Variants in CFAP46 observed in about 807,000 individuals in gnomAD.
CFAP46 encodes the protein cilia- and flagella-associated protein 46.
In CFAP46, 245 loss-of-function variants were observed where a neutral mutation model predicts 325.7. The observed-to-expected ratio is 0.75, with a 90% confidence interval of 0.68 to 0.84. The LOEUF (loss-of-function observed/expected upper bound fraction) is 0.84, where lower values mean the gene tolerates loss of function less well. CFAP46 is among the 40% of genes least tolerant of loss of function. CFAP46 has a pLI of 0.00. For synonymous variants in CFAP46, 1,523 were observed against 1,495.9 expected (o/e 1.02, Z -0.42); for missense variants, 3,346 against 3,543.0 (o/e 0.94, Z 1.41).
At chr10:132,936,940 C>T (rs1008613503) in intron 7 of CFAP46, 21 bp downstream of exon 7, 5 of 1,440,498 alleles carry the variant, frequency 3.5e-6, no homozygotes, top group Non-Finnish European at 4.7e-6. Context: ...AGTATTTGCT[C>T]TCCCTCCCAA....
intron 50 of CFAP46, among the ~76,000 whole-genome samples, chr10:132,816,328 CTTT>C (rs1008391673): frequency 8.4e-6 from 1 of 118,842 alleles, no homozygotes; most frequent in Non-Finnish European, 1.8e-5. Flanking sequence ...CTGACTTCTT[CTTT>C]TTTTTTTTTT....
intron 9 of CFAP46, chr10:132,929,441 G>A (rs758190761): frequency 3.0e-5 from 21 of 711,160 alleles, no homozygotes; most frequent in African/African-American, 1.2e-4. Context: ...TACGCCGTCC[G>A]TAAATTGGAC....
chr10:132,853,645 G>A (rs946711161), intron 39 of CFAP46, among the ~76,000 whole-genome samples: 1 of 152,134 alleles, frequency 6.6e-6, no homozygotes, highest in African/African-American at 2.4e-5. Flanking sequence ...ATCTGGGCTT[G>A]ACGTTTCCTT....
chr10:132,874,648 T>C (rs577874562), intron 31 of CFAP46, among the ~76,000 whole-genome samples: 1 of 3,122 alleles, frequency 3.2e-4, no homozygotes, highest in African/African-American at 2.0e-3. Context: ...GTGATAATCA[T>C]TAGAAAGAAT....
intron 24 of CFAP46, 175 bp downstream of exon 24, chr10:132,898,784 C>A: frequency 1.2e-6 from 1 of 836,904 alleles, no homozygotes; most frequent in East Asian, 2.7e-5. Context: ...CAGGGGCCCC[C>A]GCAGTGCTGG....
chr10:132,880,058 C>T (rs1012918839), intron 28 of CFAP46, among the ~76,000 whole-genome samples: 2 of 152,140 alleles, frequency 1.3e-5, no homozygotes, highest in African/African-American at 4.8e-5. Flanking sequence ...CCTGAGCAAG[C>T]CAGCATTGTC....
chr10:132,880,437 G>C (rs188923202), intron 28 of CFAP46, among the ~76,000 whole-genome samples: 1 of 152,242 alleles, frequency 6.6e-6, no homozygotes, highest in Admixed American at 6.5e-5. Context: ...CCCCCACCTC[G>C]AGTCAGAAGC....
chr10:132,884,435 C>T lies in CFAP46; in HGVS notation c.3627+668G>A, dbSNP rs1211069368. Among the ~76,000 whole-genome samples, 1 of 152,180 alleles carries T rather than the reference C, an allele frequency of 6.6e-6. No individual in the cohort carries two copies. On this transcript the variant is annotated intron_variant, in intron 27 of 57. Coordinates refer to ENST00000368586, the MANE Select transcript of CFAP46 (RefSeq NM_001200049.3). The surrounding 1 kb of genome is among the most constrained non-coding windows in gnomAD (Gnocchi z 5.4). Reference sequence around the variant, plus strand: ...ATTGCTCTGAGCCGGAGAAACAGCTCGTGTAACAGAAAAGCCTTTTAAGAT... The same window carrying T: ...ATTGCTCTGAGCCGGAGAAACAGCTTGTGTAACAGAAAAGCCTTTTAAGAT...
At position 132,884,116 on chromosome 10, in the gene CFAP46, C is replaced by G. The variant is rs574189452; in HGVS notation, c.3627+987G>C. Among the ~76,000 whole-genome samples the G allele has an allele frequency of 5.9e-5, 9 of 152,336 alleles. No individual in the cohort carries two copies. Among genetic ancestry groups the G allele is most frequent in the African/African-American group, 1.9e-4 (8 of 41,576 alleles). ...CTGGGTCCTGCCTTCCCCAGCCGCCCGCAGCCTCCCCTCCTCAGGCCCTTC... is the reference window on the plus strand; with the variant it reads ...CTGGGTCCTGCCTTCCCCAGCCGCCGGCAGCCTCCCCTCCTCAGGCCCTTC... On this transcript the variant is annotated intron_variant, in intron 27 of 57. Transcript: ENST00000368586. This position sits in a 1 kb window ranked among gnomAD's most constrained non-coding sequence, Gnocchi z 5.4.
chr10:132,822,577 G>GC (rs1462300753), intron 50 of CFAP46, among the ~76,000 whole-genome samples: 1 of 138,020 alleles, frequency 7.2e-6, no homozygotes, highest in Non-Finnish European at 1.6e-5. Flanking sequence ...TGCTGTGTGT[G>GC]TGCTGTGTGC....
chr10:132,921,624 T>G (rs1378243582), intron 13 of CFAP46, among the ~76,000 whole-genome samples: 1 of 152,202 alleles, frequency 6.6e-6, no homozygotes, highest in African/African-American at 2.4e-5. Flanking sequence ...TATGACCTTC[T>G]TTGGAGGTAA....
chr10:132,824,700 T>C lies in CFAP46; in HGVS notation c.7117+8658A>G, dbSNP rs1020484886. 1.5e-4 allele frequency among the ~76,000 whole-genome samples: 8 copies of C among 54,670 alleles called. 1 individual carries two copies. Among genetic ancestry groups the C allele is most frequent in the Admixed American group, 4.2e-4 (2 of 4,818 alleles). 35.9% of individuals were successfully genotyped at this position (54,670 alleles called of 152,430 possible). Reference sequence around the variant, plus strand: ...GTGCTGATGTGTGCTGTGTGTGCGCTGATGTGTGCTGTGTGTGTACTGATG... The same window carrying C: ...GTGCTGATGTGTGCTGTGTGTGCGCCGATGTGTGCTGTGTGTGTACTGATG... On this transcript the variant is annotated intron_variant, in intron 50 of 57. Coordinates refer to ENST00000368586, the MANE Select transcript of CFAP46 (RefSeq NM_001200049.3).
chr10:132,934,732 G>T lies in CFAP46; in HGVS notation c.866+20C>A. On this transcript the variant is annotated intron_variant, in intron 8 of 57. Coordinates refer to ENST00000368586, the MANE Select transcript of CFAP46 (RefSeq NM_001200049.3). ...ACAACGATTATGAAGATGTGATATT[G>T]GAAAAATACAAACACTTACTTTTCT... 1 of 1,447,552 alleles carries T rather than the reference G, an allele frequency of 6.9e-7. No homozygotes were observed. The highest frequency in any genetic ancestry group is 9.6e-7 in the Non-Finnish European group (1 of 1,036,430). 89.7% of individuals were successfully genotyped at this position (1,447,552 alleles called of 1,614,324 possible).
At chr10:132,891,513 A>T (rs1849253770) in intron 25 of CFAP46, among the ~76,000 whole-genome samples, 1 of 152,244 alleles carries the variant, frequency 6.6e-6, no homozygotes, top group Admixed American at 6.5e-5. Flanking sequence ...GGCCTGAAAG[A>T]GATCCAAGTA....
At chr10:132,895,754 C>T (rs1849308812) in intron 24 of CFAP46, among the ~76,000 whole-genome samples, 1 of 152,224 alleles carries the variant, frequency 6.6e-6, no homozygotes, top group South Asian at 2.1e-4. Context: ...TATCCTGAGA[C>T]TCTAACCCTC....
chr10:132,913,381 G>GGGGGGCC, intron 17 of CFAP46, 123 bp from the exon 18 acceptor site: 2 of 350,508 alleles, frequency 5.7e-6, no homozygotes, highest in Non-Finnish European at 1.1e-5. Flanking sequence ...GGGCGGGTGG[G>GGGGGGCC]CGGCGACCAA....
chr10:132,879,430 C>T lies in CFAP46; in HGVS notation c.4001G>A (p.Trp1334Ter), dbSNP rs753739204. The change falls in exon 29 of 58, where the codon TGG becomes TAG. Residue 1334 changes from tryptophan (W) to a stop codon, truncating the protein, a stop_gained. Transcript: ENST00000368586. LOFTEE classifies it high-confidence loss of function. ...LAAYAFFRHI[W>*]QVSLMTAGKS... ...GGAGTCTGCGCTGGGCCTCACCTGCCAGATGTGCCTGAAGAAGGCGTAGGC... is the reference window on the plus strand; with the variant it reads ...GGAGTCTGCGCTGGGCCTCACCTGCTAGATGTGCCTGAAGAAGGCGTAGGC... 9.1e-5 allele frequency: 138 copies of T among 1,517,060 alleles called. No individual in the cohort carries two copies. The highest frequency in any genetic ancestry group is 1.0e-4 in the Non-Finnish European group (118 of 1,128,818). 94.0% of individuals were successfully genotyped at this position (1,517,060 alleles called of 1,614,324 possible).
Position 132,832,898 on chromosome 10 carries a change from CT to C in CFAP46, c.7117+459del, listed in dbSNP as rs1174644218. On this transcript the variant is annotated intron_variant, in intron 50 of 57. Coordinates refer to ENST00000368586, the MANE Select transcript of CFAP46 (RefSeq NM_001200049.3). The surrounding 1 kb of genome is among the most constrained non-coding windows in gnomAD (Gnocchi z 4.1). The stretch of plus-strand genomic sequence containing the variant: ...GGGGCAAGAACAGCGTTAAGTTTGT[CT>C]TCCCTGTGTGTTTAGCACCAGGATA... 4.2e-4 allele frequency: 189 copies of C among 455,058 alleles called. 3 individuals are homozygous for C. Among genetic ancestry groups the C allele is most frequent in the South Asian group, 1.5e-3 (98 of 64,128 alleles). 28.2% of individuals were successfully genotyped at this position (455,058 alleles called of 1,614,324 possible).
At position 132,887,161 on chromosome 10, in the gene CFAP46, T is replaced by TTTC. The variant is rs1564790329; in HGVS notation, c.3305-1203_3305-1202insGAA. On this transcript the variant is annotated intron_variant, in intron 25 of 57. Coordinates refer to ENST00000368586, the MANE Select transcript of CFAP46 (RefSeq NM_001200049.3). The stretch of plus-strand genomic sequence containing the variant: ...TCCTCTCTCACTTCTCTCTCTCCTC[T>TTTC]CTCTTCTTTCCTCTCCCCTCTTCTC... Among the ~76,000 whole-genome samples, 6 of 33,990 alleles carry TTTC rather than the reference T, an allele frequency of 1.8e-4. 2 individuals carry two copies. Among genetic ancestry groups the TTTC allele is most frequent in the African/African-American group, 1.1e-3 (4 of 3,690 alleles). 22.3% of individuals were successfully genotyped at this position (33,990 alleles called of 152,430 possible).
Sources: gnomAD v4.1 joint callset for allele counts (sites outside exome capture counted in the v4.1 genomes callset) on GRCh38, gnomAD v4.1.1 for gene constraint, Gnocchi (gnomAD v3.1) non-coding constraint, MANE v1.5 for transcripts, NCBI Gene and HGNC (gene_info 2026-07-23, HGNC 2026-07-21) for gene names.